Variants in ACBD5 observed in about 807,000 individuals in gnomAD.
ACBD5 encodes acyl-CoA binding domain containing 5.
A neutral mutation model predicts 71.8 loss-of-function variants in ACBD5; 40 were observed. The ratio of observed to expected loss-of-function variants is 0.56; its 90% CI spans 0.43 to 0.72. The LOEUF (loss-of-function observed/expected upper bound fraction) is 0.72. Among genes scored for constraint, ACBD5 ranks in the 30% least tolerant of loss-of-function variants. The pLI is 0.00. For synonymous variants in ACBD5, 229 were observed against 218.6 expected (o/e 1.05, Z -0.42); for missense variants, 559 against 644.5 (o/e 0.87, Z 1.44).
At chr10:27,213,556 G>C (rs955474034) in intron 8 of ACBD5, among the ~76,000 whole-genome samples, 1 of 152,098 alleles carries the variant, frequency 6.6e-6, no homozygotes, top group Non-Finnish European at 1.5e-5. Context: ...TCAGGAGTTC[G>C]AGACCAGCCT....
At position 27,229,616 on chromosome 10, in the gene ACBD5, T is replaced by C. The variant is rs2063595407; in HGVS notation, c.375+2132A>G. ...AACAAGTGCTTCAATTAGTAAATTA[T>C]TGAAATTAGAATAAGTCCCAAATTC... is the stretch of plus-strand genomic sequence containing the variant. On this transcript the variant is annotated intron_variant, in intron 4 of 12. Transcript: ENST00000396271. 2.6e-5 allele frequency among the ~76,000 whole-genome samples: 4 copies of C among 152,162 alleles called. No homozygotes were observed. The South Asian group carries it at 6.2e-4, about 24-fold the overall frequency.
chr10:27,184,787 C>T (rs1379991151), intron 13 of ACBD5, among the ~76,000 whole-genome samples: 1 of 151,998 alleles, frequency 6.6e-6, no homozygotes, highest in Non-Finnish European at 1.5e-5. Context: ...TCTCGAACTC[C>T]TGACCTCAAG....
At chr10:27,228,472 G>A (rs1422556810) in intron 4 of ACBD5, among the ~76,000 whole-genome samples, 1 of 151,806 alleles carries the variant, frequency 6.6e-6, no homozygotes, top group African/African-American at 2.4e-5. Flanking sequence ...AGCTACTCGG[G>A]AGGCTGAGGC....
At chr10:27,235,268 G>T in intron 2 of ACBD5, 56 bp from the exon 3 acceptor site, 2 of 1,598,450 alleles carry the variant, frequency 1.3e-6, no homozygotes, top group East Asian at 2.2e-5. Context: ...TGATAATCAG[G>T]TTATAAATTA....
intron 7 of ACBD5, among the ~76,000 whole-genome samples, chr10:27,216,036 G>C (rs899482674): frequency 6.6e-6 from 1 of 151,930 alleles, no homozygotes; most frequent in African/African-American, 2.4e-5. Flanking sequence ...CAACACACCT[G>C]GCTAATTTTG....
At chr10:27,216,278 T>G (rs547013876) in intron 7 of ACBD5, among the ~76,000 whole-genome samples, 1 of 152,334 alleles carries the variant, frequency 6.6e-6, no homozygotes, top group East Asian at 1.9e-4. Flanking sequence ...TAGCTGGGAT[T>G]ACAGGTGCAC....
chr10:27,196,027 A>C lies in ACBD5; in HGVS notation c.*1403T>G, dbSNP rs1166141673. On this transcript the variant is annotated 3_prime_UTR_variant, in exon 13 of 13. Coordinates refer to ENST00000396271, the MANE Select transcript of ACBD5 (RefSeq NM_145698.5). ...AGATCAGCCTTACCAACATGGAGAA[A>C]CCCCGTCTCTACTAAAAATACAAAA... The C allele has an allele frequency of 2.4e-6, 1 of 409,842 alleles. No homozygotes were observed. Among genetic ancestry groups the C allele is most frequent in the Admixed American group, 3.0e-5 (1 of 33,746 alleles). 25.4% of individuals were successfully genotyped at this position (409,842 alleles called of 1,614,324 possible).
At chr10:27,223,123 G>A in intron 5 of ACBD5, 1 of 701,272 alleles carries the variant, frequency 1.4e-6, no homozygotes, top group South Asian at 1.5e-5. Context: ...TGGGTGACAA[G>A]ATTGTAAGTT....
chr10:27,206,436 G>A (rs1395833187), intron 10 of ACBD5, among the ~76,000 whole-genome samples: 5 of 152,006 alleles, frequency 3.3e-5, no homozygotes, highest in African/African-American at 1.2e-4. Context: ...GGGCAACATG[G>A]CAAAACTCTG....
chr10:27,219,689 T>C (rs149958787), intron 6 of ACBD5, 34 bp downstream of exon 6: 61 of 1,612,376 alleles, frequency 3.8e-5, no homozygotes, highest in Admixed American at 6.7e-5. Context: ...AGTTTATTTA[T>C]TGCAAAATTA....
rs182297813 is a variant in ACBD5, at chr10:27,226,691, G to A, written c.376-3239C>T. ...TTTTGCGACAGCGTCTCACTCTGTC[G>A]CACAGGCTGGAGTGCAGTGGCATGA... On this transcript the variant is annotated intron_variant, in intron 4 of 12. Transcript: ENST00000396271. Among the ~76,000 whole-genome samples the A allele has an allele frequency of 2.0e-3, 301 of 149,930 alleles. 6 individuals are homozygous for A. Among genetic ancestry groups the A allele is most frequent in the Non-Finnish European group, 1.1e-3 (77 of 67,746 alleles).
At position 27,197,231 on chromosome 10, in the gene ACBD5, T is replaced by A; in HGVS notation, c.*199A>T. 1 of 671,104 alleles carries A rather than the reference T, an allele frequency of 1.5e-6. No individual in the cohort carries two copies. Among genetic ancestry groups the A allele is most frequent in the South Asian group, 1.6e-5 (1 of 62,876 alleles). 41.6% of individuals were successfully genotyped at this position (671,104 alleles called of 1,614,324 possible). A position where few individuals can be genotyped will look rare whatever the true frequency, so the allele number is the denominator to read the frequency against. ...CTAGTAGAGATTGATTATTCAAGTA[T>A]CAGCAATATTAGTCCTTAAAATGTT... On this transcript the variant is annotated 3_prime_UTR_variant, in exon 13 of 13. Coordinates refer to ENST00000396271, the MANE Select transcript of ACBD5 (RefSeq NM_145698.5).
At chr10:27,198,714 G>T in intron 12 of ACBD5, among the ~76,000 whole-genome samples, 1 of 152,300 alleles carries the variant, frequency 6.6e-6, no homozygotes, top group African/African-American at 2.4e-5. Flanking sequence ...CCTGAGTGAG[G>T]TTTTAGCAAA....
intron 13 of ACBD5, among the ~76,000 whole-genome samples, chr10:27,189,627 T>A (rs1182447805): frequency 1.4e-4 from 3 of 21,946 alleles, no homozygotes; most frequent in Non-Finnish European, 2.0e-4. Context: ...TGTTGTGGGG[T>A]GGGGGGGAGG....
chr10:27,231,150 C>T (rs2063805384), intron 4 of ACBD5, among the ~76,000 whole-genome samples: 1 of 152,130 alleles, frequency 6.6e-6, no homozygotes, highest in Non-Finnish European at 1.5e-5. Context: ...TAAGGGATTT[C>T]AATATTTTCA....
intron 6 of ACBD5, among the ~76,000 whole-genome samples, chr10:27,218,391 T>C (rs556728173): frequency 3.5e-4 from 53 of 152,290 alleles, no homozygotes; most frequent in Admixed American, 2.9e-3. Flanking sequence ...TCAAAACTGT[T>C]TCAGTTCCCT....
chr10:27,230,222 C>T (rs576254698), intron 4 of ACBD5, among the ~76,000 whole-genome samples: 2 of 151,640 alleles, frequency 1.3e-5, no homozygotes, highest in South Asian at 4.2e-4. Flanking sequence ...AAGAACGAAA[C>T]TCTGCCCTTG....
intron 12 of ACBD5, among the ~76,000 whole-genome samples, chr10:27,199,196 C>CT (rs370902574): frequency 1.7e-3 from 254 of 146,684 alleles, no homozygotes; most frequent in Middle Eastern, 3.5e-3. Flanking sequence ...ATCTTTTTTT[C>CT]TTTTTTTTTT....
intron 4 of ACBD5, 63 bp downstream of exon 4, chr10:27,231,685 G>T: frequency 7.0e-7 from 1 of 1,429,548 alleles, no homozygotes; most frequent in Non-Finnish European, 9.9e-7. Context: ...TAATTTGTCT[G>T]ATAACCAAAT....
Sources: allele counts gnomAD v4.1 joint callset (sites outside exome capture counted in the v4.1 genomes callset), GRCh38; gene constraint gnomAD v4.1.1; transcripts MANE v1.5; gene names NCBI Gene and HGNC (gene_info 2026-07-23, HGNC 2026-07-21).